MEI4: variants seen among roughly 807,000 people sequenced by gnomAD.
MEI4 encodes the protein meiosis-specific protein MEI4.
MEI4 carries 27 observed loss-of-function variants against 31.4 expected under a neutral mutation model. The ratio of observed to expected loss-of-function variants is 0.86; its 90% CI spans 0.63 to 1.19. The LOEUF is 1.19. MEI4 is among the 50% of genes most tolerant of loss of function. MEI4 has a pLI of 0.00. For synonymous variants in MEI4, 122 were observed against 145.4 expected, an observed-to-expected ratio of 0.84 and a Z score of 1.16; for missense variants, 329 against 398.9, an observed-to-expected ratio of 0.82 and a Z score of 1.49.
At chr6:77,861,398 A>C (rs1375620950) in intron 4 of MEI4, among the ~76,000 whole-genome samples, 3 of 152,182 alleles carry the variant, frequency 2.0e-5, no homozygotes, top group Non-Finnish European at 4.4e-5. Flanking sequence ...TTTTGTTTTT[A>C]GACAACAGCT....
intron 3 of MEI4, among the ~76,000 whole-genome samples, chr6:77,815,214 T>G (rs770275090): frequency 2.0e-5 from 3 of 152,222 alleles, no homozygotes; most frequent in East Asian, 1.9e-4. Context: ...AGACAGGCTT[T>G]CTTTCTTCTG....
At chr6:77,727,444 A>G in intron 2 of MEI4, among the ~76,000 whole-genome samples, 1 of 152,240 alleles carries the variant, frequency 6.6e-6, no homozygotes, top group Non-Finnish European at 1.5e-5. Flanking sequence ...TTTAGCATTT[A>G]CCAGGGACAG....
At position 77,738,087 on chromosome 6, in the gene MEI4, T is replaced by G. The variant is rs566177606; in HGVS notation, c.233-23043T>G. Among the ~76,000 whole-genome samples, 213 of 152,298 alleles carry G rather than the reference T, an allele frequency of 1.4e-3. 1 individual carries two copies. The highest frequency in any genetic ancestry group is 4.5e-3 in the African/African-American group (187 of 41,570). The stretch of plus-strand genomic sequence containing the variant: ...CATCCACGAAACTGGAATGAGGGGT[T>G]GTATCAAAAGCACAGCAAGGAGGAA... On this transcript the variant is annotated intron_variant, in intron 2 of 4. Transcript: ENST00000684080.
At chr6:77,656,483 T>C (rs560996763) in intron 1 of MEI4, among the ~76,000 whole-genome samples, 1 of 152,170 alleles carries the variant, frequency 6.6e-6, no homozygotes, top group Non-Finnish European at 1.5e-5. Context: ...GTACTTTATG[T>C]TCTATTATTC....
intron 4 of MEI4, among the ~76,000 whole-genome samples, chr6:77,906,379 A>T (rs1766296868): frequency 6.6e-6 from 1 of 152,008 alleles, no homozygotes; most frequent in Non-Finnish European, 1.5e-5. Flanking sequence ...TGCTAGTTGG[A>T]GTTCAGAGGT....
chr6:77,798,577 A>G (rs1219979818), intron 3 of MEI4, among the ~76,000 whole-genome samples: 2 of 151,354 alleles, frequency 1.3e-5, no homozygotes, highest in Non-Finnish European at 2.9e-5. Context: ...GTGCCATGCT[A>G]GTGTGCTGCA....
chr6:77,862,069 A>G (rs1445546604), intron 4 of MEI4, among the ~76,000 whole-genome samples: 1 of 152,072 alleles, frequency 6.6e-6, no homozygotes. Flanking sequence ...AGAATTAAAA[A>G]AAAAAAAAAA....
At chr6:77,864,315 T>G (rs1353897095) in intron 4 of MEI4, among the ~76,000 whole-genome samples, 1 of 152,130 alleles carries the variant, frequency 6.6e-6, no homozygotes, top group Non-Finnish European at 1.5e-5. Context: ...GACCCATCAG[T>G]GTGCTGTATT....
chr6:77,918,141 A>C (rs531875658), intron 4 of MEI4, among the ~76,000 whole-genome samples: 9,499 of 150,316 alleles, frequency 0.063, 454 homozygotes, highest in Non-Finnish European at 0.1. Flanking sequence ...CTGTTTTGGT[A>C]CCAGTACCAT....
intron 2 of MEI4, among the ~76,000 whole-genome samples, chr6:77,727,994 T>G (rs1227149047): frequency 6.6e-6 from 1 of 152,186 alleles, no homozygotes; most frequent in East Asian, 1.9e-4. Flanking sequence ...AGACTGTAAT[T>G]GTAAGATTTA....
intron 2 of MEI4, among the ~76,000 whole-genome samples, chr6:77,747,039 C>G (rs767416596): frequency 6.6e-6 from 1 of 152,032 alleles, no homozygotes; most frequent in African/African-American, 2.4e-5. Context: ...AGGCTGGGTG[C>G]GGTGGCTCAT....
rs763009421 is a variant in MEI4 at position 77,784,991 on chromosome 6, G to A, written c.768+23326G>A. Among the ~76,000 whole-genome samples the A allele has an allele frequency of 1.1e-4, 17 of 152,160 alleles. No individual in the cohort carries two copies. The South Asian group carries it at 3.3e-3, about 30-fold the overall frequency. On this transcript the variant is annotated intron_variant, in intron 3 of 4. Transcript: ENST00000684080. The stretch of plus-strand genomic sequence containing the variant: ...CACTGAGGCTTATTAGAAGTTTGCC[G>A]GTATGCCCTACTCCCATTCTACTTC...
intron 3 of MEI4, among the ~76,000 whole-genome samples, chr6:77,803,205 A>G (rs558618964): frequency 2.0e-5 from 3 of 152,020 alleles, no homozygotes; most frequent in Non-Finnish European, 2.9e-5. Flanking sequence ...TTCTCTTCTC[A>G]CTTCATTTCA....
intron 1 of MEI4, among the ~76,000 whole-genome samples, chr6:77,655,020 C>T (rs1402478199): frequency 1.3e-5 from 2 of 151,898 alleles, no homozygotes. Flanking sequence ...ACCCATCAAC[C>T]CATCATCTAC....
intron 3 of MEI4, among the ~76,000 whole-genome samples, chr6:77,819,685 A>G (rs1388013430): frequency 2.0e-5 from 3 of 152,172 alleles, no homozygotes; most frequent in Admixed American, 2.0e-4. Context: ...CCTTTATTAA[A>G]GAGGCCCAAT....
At chr6:77,889,799 T>C (rs1445678653) in intron 4 of MEI4, among the ~76,000 whole-genome samples, 2 of 152,290 alleles carry the variant, frequency 1.3e-5, no homozygotes, top group South Asian at 2.1e-4. Context: ...CCTTGGAACA[T>C]AGTGCCCTGT....
chr6:77,734,316 T>G (rs1479061119), intron 2 of MEI4, among the ~76,000 whole-genome samples: 1 of 152,026 alleles, frequency 6.6e-6, no homozygotes, highest in Non-Finnish European at 1.5e-5. Flanking sequence ...TGCTCCTGTA[T>G]TGGGATATAT....
At chr6:77,888,047 G>A (rs1771666502) in intron 4 of MEI4, among the ~76,000 whole-genome samples, 1 of 151,922 alleles carries the variant, frequency 6.6e-6, no homozygotes, top group Non-Finnish European at 1.5e-5. Context: ...TATACTTTTT[G>A]ATTTAAAGTT....
intron 4 of MEI4, among the ~76,000 whole-genome samples, chr6:77,888,785 T>C (rs919948603): frequency 3.9e-5 from 6 of 152,166 alleles, no homozygotes; most frequent in Admixed American, 2.0e-4. Flanking sequence ...TCTTGAATTG[T>C]AGTTCCCACA....
Sources: allele counts gnomAD v4.1 joint callset (sites outside exome capture counted in the v4.1 genomes callset), GRCh38; gene constraint gnomAD v4.1.1; transcripts MANE v1.5; gene names NCBI Gene and HGNC (gene_info 2026-07-23, HGNC 2026-07-21).